Variants in ZC3H6 observed in about 807,000 individuals in gnomAD.
The protein encoded by ZC3H6 is zinc finger CCCH domain-containing protein 6.
A neutral mutation model predicts 107.7 loss-of-function variants in ZC3H6; 40 were observed. That is an observed-to-expected ratio of 0.37 (90% confidence interval 0.29 to 0.48). The LOEUF (loss-of-function observed/expected upper bound fraction) is 0.48. Among genes scored for constraint, ZC3H6 ranks in the 20% least tolerant of loss-of-function variants. The pLI, the probability that ZC3H6 is intolerant of heterozygous loss-of-function variation, is 0.98. For synonymous variants in ZC3H6, 493 were observed against 487.9 expected (o/e 1.01, Z -0.14); for missense variants, 1,267 against 1,410.4 (o/e 0.90, Z 1.63).
At chr2:112,322,073 CTTTT>C (rs1052003900) in intron 8 of ZC3H6, among the ~76,000 whole-genome samples, 1 of 149,288 alleles carries the variant, frequency 6.7e-6, no homozygotes, top group African/African-American at 2.5e-5. Flanking sequence ...ACCATTTCAA[CTTTT>C]TTTTTTCTTT....
intron 2 of ZC3H6, among the ~76,000 whole-genome samples, 174 bp from the exon 3 acceptor site, chr2:112,303,055 G>A (rs962057983): frequency 3.9e-5 from 6 of 152,086 alleles, no homozygotes; most frequent in Non-Finnish European, 5.9e-5. Context: ...AAACCTCAGC[G>A]AAGTTGGAAT....
chr2:112,289,316 CTTTTTCTT>C (rs1558946712), intron 1 of ZC3H6, among the ~76,000 whole-genome samples: 22 of 132,270 alleles, frequency 1.7e-4, no homozygotes, highest in Admixed American at 2.3e-4. Context: ...CTTTTTTTTT[CTTTTTCTT>C]TTTTTTTTTT....
At chr2:112,282,437 A>G (rs974119080) in intron 1 of ZC3H6, among the ~76,000 whole-genome samples, 3 of 152,236 alleles carry the variant, frequency 2.0e-5, no homozygotes, top group Admixed American at 1.3e-4. Context: ...AGCACTTGCT[A>G]TGTGACAGGT....
In ZC3H6 at chr2:112,333,732, T is replaced by C. The variant is rs1482627087; in HGVS notation, c.*1244T>C. The C allele has an allele frequency of 1.3e-5, 2 of 152,124 alleles. No individual in the cohort carries two copies. Among genetic ancestry groups the C allele is most frequent in the Non-Finnish European group, 2.9e-5 (2 of 67,972 alleles). The allele number at this position is 152,124 out of a possible 1,614,324, so 9.4% of individuals were successfully genotyped here. ...TGCTACTCATATTTTGAACTGCAGG[T>C]GTAGGACAGTGTTTGCTGGTAACAA... On this transcript the variant is annotated 3_prime_UTR_variant, in exon 12 of 12. Coordinates refer to ENST00000409871, the MANE Select transcript of ZC3H6 (RefSeq NM_198581.3).
At chr2:112,320,139 A>G (rs2104719335) in intron 7 of ZC3H6, among the ~76,000 whole-genome samples, 1 of 152,176 alleles carries the variant, frequency 6.6e-6, no homozygotes, top group African/African-American at 2.4e-5. Flanking sequence ...CTCCATGTTG[A>G]TCAGACTGGT....
At chr2:112,278,938 T>G (rs559230976) in intron 1 of ZC3H6, among the ~76,000 whole-genome samples, 39 of 152,340 alleles carry the variant, frequency 2.6e-4, no homozygotes, top group Admixed American at 1.4e-3. Context: ...TGTTATATAG[T>G]GAACATTTTG....
In ZC3H6 at chr2:112,331,426, T is replaced by G; in HGVS notation, c.2508T>G (p.Ala836=). ...CAGAAAGAGAACTGAGAGAAAAAGC[T>G]TTCTTAATACCTTTGGATGCCTCAC... The part of the protein sequence containing the change: ...EDTERELREK[A]FLIPLDASPG... The change falls in exon 12 of 12, where the codon GCT becomes GCG. Residue 836 remains alanine, a synonymous_variant. Transcript: ENST00000409871. The G allele has an allele frequency of 6.2e-7, 1 of 1,613,712 alleles. No homozygotes were observed. The highest frequency in any genetic ancestry group is 8.5e-7 in the Non-Finnish European group (1 of 1,179,824).
intron 7 of ZC3H6, among the ~76,000 whole-genome samples, chr2:112,319,935 A>AT (rs1676769361): frequency 6.6e-6 from 1 of 152,020 alleles, no homozygotes; most frequent in South Asian, 2.1e-4. Flanking sequence ...TATACACATA[A>AT]TTTTTTATTT....
At chr2:112,304,482 CCTT>C (rs1676439121) in intron 3 of ZC3H6, among the ~76,000 whole-genome samples, 1 of 152,098 alleles carries the variant, frequency 6.6e-6, no homozygotes, top group Non-Finnish European at 1.5e-5. Flanking sequence ...TCACTGGCCT[CCTT>C]CTCACTGCTT....
chr2:112,310,800 T>C (rs1372020433), intron 4 of ZC3H6, among the ~76,000 whole-genome samples: 1 of 152,118 alleles, frequency 6.6e-6, no homozygotes, highest in Admixed American at 6.5e-5. Context: ...TGAAATGAAG[T>C]AGTGAGGAGC....
chr2:112,276,766 A>G (rs1686434678), intron 1 of ZC3H6, among the ~76,000 whole-genome samples: 1 of 152,194 alleles, frequency 6.6e-6, no homozygotes, highest in Non-Finnish European at 1.5e-5. Context: ...GTTTGGGGAC[A>G]TTTACAAAGT....
At position 112,309,942 on chromosome 2, in the gene ZC3H6, T is replaced by A. The variant is rs1416818532; in HGVS notation, c.394T>A (p.Phe132Ile). 1.9e-6 allele frequency: 3 copies of A among 1,603,886 alleles called. No homozygotes were observed. Among genetic ancestry groups the A allele is most frequent in the Non-Finnish European group, 2.6e-6 (3 of 1,174,824 alleles). The change falls in exon 4 of 12, where the codon TTT (phenylalanine) becomes ATT (isoleucine). Residue 132 changes from phenylalanine (F) to isoleucine (I), a missense_variant. Phe to Ile is a conservative substitution (Grantham distance 21). Around this residue, in one of 3 missense-constraint regions of ZC3H6, gnomAD observed 337 missense variants for 361.2 expected, o/e 0.93. Transcript: ENST00000409871. ...AAAGAAGGGTCAACATAACAAAAAA[T>A]TTAAAAGTAAAGAATATGATGAGTA... ...TSKKGQHNKKFKSKEYDEYST... is the reference protein window; with the variant it reads ...TSKKGQHNKKIKSKEYDEYST...
intron 11 of ZC3H6, among the ~76,000 whole-genome samples, chr2:112,329,157 A>G (rs1383695946): frequency 6.6e-6 from 1 of 152,084 alleles, no homozygotes; most frequent in Non-Finnish European, 1.5e-5. Context: ...GCTTTTATGC[A>G]TTTTATCTCT....
In ZC3H6 at chr2:112,309,888, G is replaced by T; in HGVS notation, c.340G>T (p.Gly114Ter). Residue 114 changes from glycine to a stop codon, truncating the protein, a stop_gained, in exon 4 of 12, where the codon GGA (glycine) becomes TGA (stop). Coordinates refer to ENST00000409871, the MANE Select transcript of ZC3H6 (RefSeq NM_198581.3). LOFTEE classifies it high-confidence loss of function. ...ATGATTGTCCATTTTCACTTAGCGT[G>T]GACATATATCAGGAAGCTACATAAC... ...RDYDIPFTQR[G>*]HISGSYITSK... 1 of 1,574,240 alleles carries T rather than the reference G, an allele frequency of 6.4e-7. No homozygotes were observed. Among genetic ancestry groups the T allele is most frequent in the African/African-American group, 1.4e-5 (1 of 73,946 alleles).
At chr2:112,300,765 G>A (rs1676358412) in intron 2 of ZC3H6, among the ~76,000 whole-genome samples, 1 of 152,116 alleles carries the variant, frequency 6.6e-6, no homozygotes, top group Admixed American at 6.5e-5. Context: ...CAATGGGAAA[G>A]CTATGAAAAA....
At chr2:112,290,635 TTAAA>T (rs1676094966) in intron 1 of ZC3H6, among the ~76,000 whole-genome samples, 1 of 152,200 alleles carries the variant, frequency 6.6e-6, no homozygotes, top group Non-Finnish European at 1.5e-5. Context: ...TAAATACGTG[TTAAA>T]TGAATGAATG....
chr2:112,285,361 T>TC (rs1033180051), intron 1 of ZC3H6, among the ~76,000 whole-genome samples: 4 of 146,458 alleles, frequency 2.7e-5, no homozygotes, highest in African/African-American at 1.0e-4. Context: ...CTGAGTAAAT[T>TC]TTTTTTTTTT....
chr2:112,331,193 A>C lies in ZC3H6; in HGVS notation c.2275A>C (p.Arg759=). 6.2e-7 allele frequency: 1 copy of C among 1,613,744 alleles called. No individual in the cohort carries two copies. The highest frequency in any genetic ancestry group is 1.3e-5 in the African/African-American group (1 of 75,022). Residue 759 remains arginine (R), a synonymous_variant, in exon 12 of 12, where the codon AGG becomes CGG. Coordinates refer to ENST00000409871, the MANE Select transcript of ZC3H6 (RefSeq NM_198581.3). ...KSKGNQVVDP[R]LRTIPRQDIR... ...TAAAGGAAACCAAGTGGTTGACCCT[A>C]GGCTTAGGACTATCCCAAGGCAAGA...
chr2:112,293,016 A>G (rs1676150527), intron 1 of ZC3H6, among the ~76,000 whole-genome samples: 1 of 152,168 alleles, frequency 6.6e-6, no homozygotes, highest in Admixed American at 6.5e-5. Context: ...AATGTAAGTA[A>G]ATATGTTGTT....
Sources: allele counts gnomAD v4.1 joint callset (sites outside exome capture counted in the v4.1 genomes callset), GRCh38; gene constraint gnomAD v4.1.1; regional missense constraint gnomAD v4.1.1; transcripts MANE v1.5; gene names NCBI Gene and HGNC (gene_info 2026-07-23, HGNC 2026-07-21).